ANKH: variants seen among roughly 807,000 people sequenced by gnomAD.
ANKH encodes the protein mineralization regulator ANKH.
In ANKH, 15 loss-of-function variants were observed where a neutral mutation model predicts 49.0. The ratio of observed to expected loss-of-function variants is 0.31; its 90% CI spans 0.20 to 0.47. The LOEUF (loss-of-function observed/expected upper bound fraction) is 0.47. ANKH is among the 20% of genes least tolerant of loss of function. ANKH has a pLI of 1.00. For synonymous variants in ANKH, 273 were observed against 260.0 expected, an observed-to-expected ratio of 1.05 and a Z score of -0.48; for missense variants, 429 against 652.0, an observed-to-expected ratio of 0.66 and a Z score of 3.72.
intron 1 of ANKH, among the ~76,000 whole-genome samples, chr5:14,793,070 A>AAAT (rs1295561786): frequency 2.7e-4 from 29 of 108,438 alleles, no homozygotes; most frequent in East Asian, 7.4e-4. Context: ...AATATATATA[A>AAAT]ATATATAAAA....
At chr5:14,852,113 C>T in intron 1 of ANKH, among the ~76,000 whole-genome samples, 1 of 152,164 alleles carries the variant, frequency 6.6e-6, no homozygotes. Flanking sequence ...AGGACCCTGT[C>T]TCTACAAAAA....
At chr5:14,748,127 C>T (rs153921) in intron 6 of ANKH, among the ~76,000 whole-genome samples, 28,111 of 151,984 alleles carry the variant, frequency 0.18, 2,773 homozygotes, top group African/African-American at 0.24. Flanking sequence ...TTCTAGCACA[C>T]AGGTGGTGGG....
chr5:14,729,748 A>G (rs945031160), intron 8 of ANKH, among the ~76,000 whole-genome samples: 1 of 152,136 alleles, frequency 6.6e-6, no homozygotes, highest in Non-Finnish European at 1.5e-5. Flanking sequence ...GGGTGGAGCC[A>G]GAATTCTGGT....
rs578134396 is a variant in ANKH at position 14,707,351 on chromosome 5, C to T, written c.*3846G>A. Reference sequence around the variant, plus strand: ...TTCAAATCGATGTGTTCCTAGAAACCAAGGATATAGAAAAGTTACTCTCCC... The same window carrying T: ...TTCAAATCGATGTGTTCCTAGAAACTAAGGATATAGAAAAGTTACTCTCCC... On this transcript the variant is annotated 3_prime_UTR_variant, in exon 12 of 12. Transcript: ENST00000284268. 6.6e-6 allele frequency: 1 copy of T among 151,824 alleles called. No individual in the cohort carries two copies. The highest frequency in any genetic ancestry group is 1.5e-5 in the Non-Finnish European group (1 of 67,972). The allele number at this position is 151,824 out of a possible 1,614,324, so 9.4% of individuals were successfully genotyped here. A position where few individuals can be genotyped will look rare whatever the true frequency, so the allele number is the denominator to read the frequency against.
In ANKH at chr5:14,867,559, CT is replaced by C. The variant is rs564551663; in HGVS notation, c.96+3792del. Among the ~76,000 whole-genome samples, 90 of 147,738 alleles carry C rather than the reference CT, an allele frequency of 6.1e-4. 1 individual carries two copies. Among genetic ancestry groups the C allele is most frequent in the African/African-American group, 1.7e-3 (71 of 40,594 alleles). The stretch of plus-strand genomic sequence containing the variant: ...GCAAAAGGAGATGTGTTCCCATTTT[CT>C]TTTTTTTTTTGAGACGGAGTCTCGC... On this transcript the variant is annotated intron_variant, in intron 1 of 11. Transcript: ENST00000284268.
At chr5:14,782,494 C>G (rs1340869406) in intron 1 of ANKH, among the ~76,000 whole-genome samples, 1 of 152,136 alleles carries the variant, frequency 6.6e-6, no homozygotes, top group Non-Finnish European at 1.5e-5. Context: ...AAACCCTTTA[C>G]TTTGAATTAG....
chr5:14,715,235 G>T (rs570801209), intron 9 of ANKH, among the ~76,000 whole-genome samples: 3 of 152,196 alleles, frequency 2.0e-5, no homozygotes, highest in Admixed American at 2.0e-4. Flanking sequence ...GGGTTCAAGC[G>T]ATTCTCCTGC....
intron 4 of ANKH, among the ~76,000 whole-genome samples, chr5:14,753,040 C>A (rs1378182836): frequency 6.6e-6 from 1 of 152,142 alleles, no homozygotes; most frequent in East Asian, 1.9e-4. Context: ...AAGCAGGGAA[C>A]AGGTTCCTGA....
intron 2 of ANKH, among the ~76,000 whole-genome samples, chr5:14,761,240 A>G (rs1739068471): frequency 6.6e-6 from 1 of 152,188 alleles, no homozygotes; most frequent in African/African-American, 2.4e-5. Flanking sequence ...TCCAGCATCC[A>G]TAACTGTGAA....
intron 1 of ANKH, among the ~76,000 whole-genome samples, chr5:14,863,125 C>A (rs1341125232): frequency 6.6e-6 from 1 of 152,170 alleles, no homozygotes; most frequent in African/African-American, 2.4e-5. Context: ...CCTTAGTAAC[C>A]AGTTACTGAA....
chr5:14,820,889 GGAATTC>G (rs1741179458), intron 1 of ANKH, among the ~76,000 whole-genome samples: 1 of 152,164 alleles, frequency 6.6e-6, no homozygotes, highest in Admixed American at 6.5e-5. Context: ...CTTAAGCCCA[GGAATTC>G]GAGACCAGCC....
At chr5:14,839,673 G>A (rs533520204) in intron 1 of ANKH, among the ~76,000 whole-genome samples, 2 of 152,182 alleles carry the variant, frequency 1.3e-5, no homozygotes, top group South Asian at 4.1e-4. Context: ...CGTCAACTTT[G>A]TCTTTCCTAG....
At chr5:14,779,287 C>T (rs1739732716) in intron 1 of ANKH, among the ~76,000 whole-genome samples, 1 of 152,176 alleles carries the variant, frequency 6.6e-6, no homozygotes, top group South Asian at 2.1e-4. Context: ...ATCTTTGCTA[C>T]TTGACTGGCC....
chr5:14,835,325 G>C (rs984823463), intron 1 of ANKH, among the ~76,000 whole-genome samples: 16 of 152,270 alleles, frequency 1.1e-4, no homozygotes, highest in African/African-American at 3.4e-4. Context: ...CTGCCTCTTG[G>C]AAGAGTCTGT....
At chr5:14,819,900 TACACACACACACACAC>T (rs57977744) in intron 1 of ANKH, among the ~76,000 whole-genome samples, 6 of 145,410 alleles carry the variant, frequency 4.1e-5, no homozygotes, top group South Asian at 4.4e-4. Flanking sequence ...AACAAAAATA[TACACACACACACACAC>T]ACACACACAC....
intron 3 of ANKH, among the ~76,000 whole-genome samples, chr5:14,756,283 T>C (rs1405656043): frequency 1.3e-5 from 2 of 152,202 alleles, no homozygotes; most frequent in African/African-American, 4.8e-5. Context: ...AGCGTCTCAG[T>C]CCCAAAGTAG....
At chr5:14,771,932 A>AAAC (rs1371922431) in intron 1 of ANKH, among the ~76,000 whole-genome samples, 5 of 131,094 alleles carry the variant, frequency 3.8e-5, no homozygotes, top group African/African-American at 1.3e-4. Flanking sequence ...AAAAAAAAAA[A>AAAC]AAAAAAAAAA....
At position 14,745,768 on chromosome 5, in the gene ANKH, G is replaced by A; in HGVS notation, c.915+102C>T. The A allele has an allele frequency of 2.0e-6, 2 of 998,788 alleles. No individual in the cohort carries two copies. Among genetic ancestry groups the A allele is most frequent in the Admixed American group, 3.7e-5 (2 of 54,576 alleles). The allele number at this position is 998,788 out of a possible 1,614,324, so 61.9% of individuals were successfully genotyped here. Reference sequence around the variant, plus strand: ...CGTCACATTAACCTTACAAAGGGAAGCAGGACTGAGAAGCAACAAAGTGTC... The same window carrying A: ...CGTCACATTAACCTTACAAAGGGAAACAGGACTGAGAAGCAACAAAGTGTC... On this transcript the variant is annotated intron_variant, in intron 7 of 11. Coordinates refer to ENST00000284268, the MANE Select transcript of ANKH (RefSeq NM_054027.6). This position sits in a 1 kb window ranked among gnomAD's most constrained non-coding sequence, Gnocchi z 4.7.
chr5:14,760,950 C>T (rs11740592), intron 2 of ANKH, among the ~76,000 whole-genome samples: 90,200 of 151,740 alleles, frequency 0.59, 27,051 homozygotes, highest in Admixed American at 0.67. Flanking sequence ...CATAAGGTCA[C>T]TGCAGATATA....
Sources: allele counts gnomAD v4.1 joint callset (sites outside exome capture counted in the v4.1 genomes callset), GRCh38; gene constraint gnomAD v4.1.1; non-coding constraint Gnocchi (gnomAD v3.1); transcripts MANE v1.5; gene names NCBI Gene and HGNC (gene_info 2026-07-23, HGNC 2026-07-21).